ANKRD55: variants seen among roughly 807,000 people sequenced by gnomAD.
ANKRD55 encodes the protein ankyrin repeat domain-containing protein 55.
Under a neutral mutation model 60.6 loss-of-function variants are expected in ANKRD55, and 41 were observed. The observed-to-expected ratio is 0.68, with a 90% CI of 0.53 to 0.88. ANKRD55 has a LOEUF of 0.88. Among genes scored for constraint, ANKRD55 ranks in the 40% least tolerant of loss-of-function variants. The pLI, the probability that ANKRD55 is intolerant of heterozygous loss-of-function variation, is 0.00. For synonymous variants in ANKRD55, 264 were observed against 290.3 expected (o/e 0.91, Z 0.92); for missense variants, 732 against 767.6 (o/e 0.95, Z 0.55).
In ANKRD55 at chr5:56,100,186, A is replaced by G; in HGVS notation, c.1842T>C (p.Asn614=). The change falls in exon 12 of 12, where the codon AAT becomes AAC. Residue 614 remains asparagine (N), a synonymous_variant. Transcript: ENST00000341048. ...TTCTGCAGCGAGTGGCCCACAGTTAATTTTCATCACTGGTGGGGTTGGCAG... is the reference window on the plus strand; with the variant it reads ...TTCTGCAGCGAGTGGCCCACAGTTAGTTTTCATCACTGGTGGGGTTGGCAG... ...EHSANPTSDE[N] is the part of the protein sequence containing the mutation. The G allele has an allele frequency of 6.2e-7, 1 of 1,614,116 alleles. No individual in the cohort carries two copies. The highest frequency in any genetic ancestry group is 1.7e-5 in the Admixed American group (1 of 60,018).
intron 8 of ANKRD55, among the ~76,000 whole-genome samples, chr5:56,125,476 C>T (rs768997242): frequency 5.9e-5 from 9 of 152,000 alleles, no homozygotes; most frequent in Non-Finnish European, 1.2e-4. Flanking sequence ...AGATGGGTTT[C>T]GCCATGTTGG....
chr5:56,216,730 C>G (rs1353225684), intron 2 of ANKRD55, among the ~76,000 whole-genome samples: 1 of 152,152 alleles, frequency 6.6e-6, no homozygotes, highest in Non-Finnish European at 1.5e-5. Flanking sequence ...TAACTTTCTC[C>G]AAGTCCATGA....
At chr5:56,141,965 G>A (rs919656612) in intron 7 of ANKRD55, among the ~76,000 whole-genome samples, 3 of 152,170 alleles carry the variant, frequency 2.0e-5, no homozygotes, top group Admixed American at 6.5e-5. Context: ...GTGTATTAAT[G>A]CAAACTCAGA....
At chr5:56,193,129 TAGG>T (rs1217196307) in intron 2 of ANKRD55, 1 of 682,390 alleles carries the variant, frequency 1.5e-6, no homozygotes, top group African/African-American at 1.8e-5. Context: ...ACATTTATTT[TAGG>T]AGAAGATTTA....
intron 2 of ANKRD55, among the ~76,000 whole-genome samples, chr5:56,207,512 C>A (rs181478839): frequency 1.3e-5 from 2 of 152,242 alleles, no homozygotes; most frequent in Admixed American, 1.3e-4. Context: ...AGTGTATCTA[C>A]ACAAACCTAG....
At chr5:56,127,814 G>T (rs938194517) in intron 7 of ANKRD55, among the ~76,000 whole-genome samples, 1 of 152,174 alleles carries the variant, frequency 6.6e-6, no homozygotes, top group African/African-American at 2.4e-5. Context: ...TATCCATAAA[G>T]CAATCTCTGG....
chr5:56,144,683 T>C (rs975833289), intron 6 of ANKRD55, among the ~76,000 whole-genome samples: 2 of 152,214 alleles, frequency 1.3e-5, no homozygotes, highest in Non-Finnish European at 2.9e-5. Context: ...GTACACTGTT[T>C]AGAAGAAATC....
At chr5:56,139,554 T>A (rs1757697838) in intron 7 of ANKRD55, among the ~76,000 whole-genome samples, 1 of 152,154 alleles carries the variant, frequency 6.6e-6, no homozygotes, top group Non-Finnish European at 1.5e-5. Flanking sequence ...GAAAGAAGCA[T>A]TTTACCCAAA....
chr5:56,219,910 G>A (rs1207092512), intron 2 of ANKRD55, among the ~76,000 whole-genome samples: 1 of 152,186 alleles, frequency 6.6e-6, no homozygotes, highest in African/African-American at 2.4e-5. Flanking sequence ...CAAAATAGTG[G>A]TATCAAAGGG....
chr5:56,186,492 T>C (rs1424695175), intron 2 of ANKRD55, among the ~76,000 whole-genome samples: 3 of 152,168 alleles, frequency 2.0e-5, no homozygotes, highest in Non-Finnish European at 4.4e-5. Flanking sequence ...ATAATGATGA[T>C]AATTAGGATA....
chr5:56,127,416 A>G lies in ANKRD55; in HGVS notation c.613-310T>C, dbSNP rs183752778. The G allele has an allele frequency of 1.1e-5, 11 of 985,234 alleles. No homozygotes were observed. The East Asian group carries it at 9.1e-4, about 81-fold the overall frequency. The allele number at this position is 985,234 out of a possible 1,614,324, so 61.0% of individuals were successfully genotyped here. On this transcript the variant is annotated intron_variant, in intron 7 of 11. Transcript: ENST00000341048. ...TGCAATGGACTGACGTCAGAGCTAG[A>G]GTGATCGGTGGGCCACCTAGACAAC...
intron 2 of ANKRD55, chr5:56,192,912 G>A: frequency 1.6e-6 from 1 of 635,746 alleles, no homozygotes; most frequent in Non-Finnish European, 2.7e-6. Context: ...TTTTTTATGA[G>A]TTCAGAAGAA....
intron 2 of ANKRD55, among the ~76,000 whole-genome samples, chr5:56,202,413 C>T (rs1478286372): frequency 2.6e-5 from 4 of 152,058 alleles, no homozygotes; most frequent in Admixed American, 2.6e-4. Context: ...AAACGAGACC[C>T]TTTGCCTTGT....
At chr5:56,155,220 TAAA>T (rs35522199) in intron 6 of ANKRD55, among the ~76,000 whole-genome samples, 11 of 141,110 alleles carry the variant, frequency 7.8e-5, no homozygotes, top group South Asian at 2.3e-4. Context: ...GAGACTGTCT[TAAA>T]AAAAAAAAAA....
At chr5:56,205,562 T>C (rs1251081375) in intron 2 of ANKRD55, among the ~76,000 whole-genome samples, 1 of 152,170 alleles carries the variant, frequency 6.6e-6, no homozygotes, top group African/African-American at 2.4e-5. Flanking sequence ...ACAGCTGTAT[T>C]GAGTAGAAGG....
intron 3 of ANKRD55, among the ~76,000 whole-genome samples, chr5:56,176,714 T>A (rs189917552): frequency 1.4e-3 from 218 of 152,336 alleles, no homozygotes; most frequent in African/African-American, 5.0e-3. Flanking sequence ...GTACCCAGCC[T>A]TGGATTGCAC....
chr5:56,102,692 T>A, intron 10 of ANKRD55, 106 bp from the exon 11 acceptor site: 1 of 713,264 alleles, frequency 1.4e-6, no homozygotes, highest in Non-Finnish European at 2.4e-6. Flanking sequence ...TCACTAAATT[T>A]AAGGTGGTAA....
At chr5:56,205,326 G>A (rs1759475113) in intron 2 of ANKRD55, among the ~76,000 whole-genome samples, 1 of 152,222 alleles carries the variant, frequency 6.6e-6, no homozygotes, top group Non-Finnish European at 1.5e-5. Flanking sequence ...CTCCCAAAGT[G>A]CTAGGATTAT....
At chr5:56,176,349 T>C (rs1044241059) in intron 3 of ANKRD55, 67 bp from the exon 4 acceptor site, 1 of 1,583,882 alleles carries the variant, frequency 6.3e-7, no homozygotes, top group Non-Finnish European at 8.7e-7. Flanking sequence ...CAGGCTTTAT[T>C]GGCCTGTTCA....
Sources: gnomAD v4.1 joint callset for allele counts (sites outside exome capture counted in the v4.1 genomes callset) on GRCh38, gnomAD v4.1.1 for gene constraint, MANE v1.5 for transcripts, NCBI Gene and HGNC (gene_info 2026-07-23, HGNC 2026-07-21) for gene names.